ARID2: variants seen among roughly 807,000 people sequenced by gnomAD.
The protein encoded by ARID2 is AT-rich interactive domain-containing protein 2.
Under a neutral mutation model 184.6 loss-of-function variants are expected in ARID2, and 32 were observed. The ratio of observed to expected loss-of-function variants is 0.17; its 90% CI spans 0.13 to 0.23. ARID2 has a LOEUF of 0.23. ARID2 is among the 10% of genes least tolerant of loss of function. ARID2 has a pLI of 1.00. For missense variants in ARID2, 1,696 were observed against 2,197.6 expected, an observed-to-expected ratio of 0.77 and a Z score of 4.56; for synonymous variants, 836 against 772.6, an observed-to-expected ratio of 1.08 and a Z score of -1.36.
At chr12:45,879,387 A>G (rs1431424743) in intron 16 of ARID2, among the ~76,000 whole-genome samples, 1 of 152,056 alleles carries the variant, frequency 6.6e-6, no homozygotes, top group African/African-American at 2.4e-5. Context: ...GCAGGGAGAA[A>G]TTTTTCTTCA....
At chr12:45,734,410 A>G (rs898267398) in intron 3 of ARID2, among the ~76,000 whole-genome samples, 1 of 152,086 alleles carries the variant, frequency 6.6e-6, no homozygotes, top group African/African-American at 2.4e-5. Context: ...TAAAAATTGG[A>G]TACTAATCAT....
intron 16 of ARID2, among the ~76,000 whole-genome samples, chr12:45,879,118 A>G (rs761522520): frequency 2.6e-5 from 4 of 152,194 alleles, no homozygotes; most frequent in African/African-American, 9.7e-5. Flanking sequence ...GAAATATTCT[A>G]TAATCTTATG....
chr12:45,849,840 T>C (rs1943509327), intron 14 of ARID2, 64 bp downstream of exon 14: 8 of 1,492,552 alleles, frequency 5.4e-6, no homozygotes, highest in African/African-American at 2.8e-5. Flanking sequence ...ATGAAAAATA[T>C]ATATTCTATG....
chr12:45,784,385 TA>T (rs1180906447), intron 3 of ARID2, among the ~76,000 whole-genome samples: 1 of 151,914 alleles, frequency 6.6e-6, no homozygotes, highest in East Asian at 1.9e-4. Flanking sequence ...TTAAAATTAA[TA>T]AAAAAAGATC....
chr12:45,812,997 T>A (rs1473253560), intron 4 of ARID2, among the ~76,000 whole-genome samples: 1 of 152,212 alleles, frequency 6.6e-6, no homozygotes, highest in Non-Finnish European at 1.5e-5. Flanking sequence ...TTGAGAAAGA[T>A]CATGTGAAAT....
In ARID2 at chr12:45,891,842, T is replaced by C. The variant is rs1944305609; in HGVS notation, c.4985T>C (p.Val1662Ala). 1 of 1,614,114 alleles carries C rather than the reference T, an allele frequency of 6.2e-7. No homozygotes were observed. Among genetic ancestry groups the C allele is most frequent in the African/African-American group, 1.3e-5 (1 of 74,948 alleles). Residue 1662 changes from valine to alanine, a missense_variant, in exon 17 of 21, where the codon GTA becomes GCA. By Grantham distance (64) the Val-to-Ala change is moderately conservative (BLOSUM62 0). Transcript: ENST00000334344. Reference sequence around the variant, plus strand: ...GCAACTGAACATGGAGGAAAAGATGTATATCCAGGGCAGTGTCTTTGGGAA... The same window carrying C: ...GCAACTGAACATGGAGGAAAAGATGCATATCCAGGGCAGTGTCTTTGGGAA... The part of the protein sequence containing the change: ...HAATEHGGKD[V>A]YPGQCLWEGC...
chr12:45,853,664 C>T (rs1943596513), intron 15 of ARID2, among the ~76,000 whole-genome samples: 1 of 152,220 alleles, frequency 6.6e-6, no homozygotes, highest in Admixed American at 6.5e-5. Flanking sequence ...TCGTCACCAC[C>T]TGTTTCCTGG....
At chr12:45,877,833 A>T (rs1407078435) in intron 16 of ARID2, among the ~76,000 whole-genome samples, 1 of 151,932 alleles carries the variant, frequency 6.6e-6, no homozygotes, top group Non-Finnish European at 1.5e-5. Flanking sequence ...ACTCTTCCTT[A>T]CTCTATGTAA....
chr12:45,755,090 G>A (rs1222519827), intron 3 of ARID2, among the ~76,000 whole-genome samples: 1 of 152,208 alleles, frequency 6.6e-6, no homozygotes, highest in African/African-American at 2.4e-5. Flanking sequence ...TGCATCGGAG[G>A]CGTTAACGCA....
chr12:45,799,443 A>G (rs1942453754), intron 3 of ARID2, among the ~76,000 whole-genome samples: 1 of 152,182 alleles, frequency 6.6e-6, no homozygotes, highest in Admixed American at 6.5e-5. Context: ...CCCATCTGTC[A>G]GTGGTGCACA....
chr12:45,888,293 T>C (rs1565639518), intron 16 of ARID2, among the ~76,000 whole-genome samples: 1 of 151,908 alleles, frequency 6.6e-6, no homozygotes. Flanking sequence ...AATTTACAAA[T>C]ACACACAAGT....
intron 3 of ARID2, among the ~76,000 whole-genome samples, chr12:45,764,851 T>G (rs1941743089): frequency 6.6e-6 from 1 of 152,212 alleles, no homozygotes; most frequent in Admixed American, 6.5e-5. Flanking sequence ...TCACTTAATT[T>G]GAGTAAATAC....
intron 3 of ARID2, among the ~76,000 whole-genome samples, chr12:45,792,048 C>T (rs898242215): frequency 4.6e-5 from 7 of 152,074 alleles, no homozygotes; most frequent in Non-Finnish European, 1.0e-4. Context: ...TGTTGATTCT[C>T]TATATTATAT....
chr12:45,737,151 G>C (rs1353559886), intron 3 of ARID2, among the ~76,000 whole-genome samples: 1 of 152,092 alleles, frequency 6.6e-6, no homozygotes, highest in Non-Finnish European at 1.5e-5. Context: ...ATAAACTATT[G>C]CTGGAATGGA....
At chr12:45,877,232 C>CA (rs1286912711) in intron 16 of ARID2, among the ~76,000 whole-genome samples, 1 of 152,158 alleles carries the variant, frequency 6.6e-6, no homozygotes, top group Non-Finnish European at 1.5e-5. Flanking sequence ...GAGTGCCAGG[C>CA]AAAAAAGCAA....
At chr12:45,747,345 G>A (rs924263239) in intron 3 of ARID2, among the ~76,000 whole-genome samples, 4 of 152,054 alleles carry the variant, frequency 2.6e-5, no homozygotes, top group African/African-American at 9.7e-5. Flanking sequence ...TAGGAAATAG[G>A]TATTATCCTC....
chr12:45,740,964 T>G (rs1007275023), intron 3 of ARID2, among the ~76,000 whole-genome samples: 2 of 152,212 alleles, frequency 1.3e-5, no homozygotes, highest in African/African-American at 4.8e-5. Context: ...ACTGTAAAGT[T>G]ACCATTTTCT....
chr12:45,814,046 C>T (rs151137990), intron 4 of ARID2, among the ~76,000 whole-genome samples: 1 of 152,066 alleles, frequency 6.6e-6, no homozygotes, highest in East Asian at 1.9e-4. Flanking sequence ...AAAGTGAAGC[C>T]AAGTACCCGG....
chr12:45,887,273 AG>A (rs1365426042), intron 16 of ARID2, among the ~76,000 whole-genome samples: 1 of 152,208 alleles, frequency 6.6e-6, no homozygotes, highest in Non-Finnish European at 1.5e-5. Context: ...TTAAATCGCC[AG>A]TGACTGAGAG....
Sources: allele counts gnomAD v4.1 joint callset (sites outside exome capture counted in the v4.1 genomes callset), GRCh38; gene constraint gnomAD v4.1.1; transcripts MANE v1.5; gene names NCBI Gene and HGNC (gene_info 2026-07-23, HGNC 2026-07-21).